The following TDRD3 variants were observed in gnomAD, a reference collection of about 807,000 sequenced individuals.
TDRD3 encodes the protein tudor domain-containing protein 3.
In TDRD3, 45 loss-of-function variants were observed where a neutral mutation model predicts 86.7. The observed-to-expected ratio is 0.52, with a 90% CI of 0.41 to 0.67. TDRD3 has a LOEUF of 0.67. Among genes scored for constraint, TDRD3 ranks in the 30% least tolerant of loss-of-function variants. The probability of loss-of-function intolerance (pLI) is 0.00; values close to 1 mark genes in which losing one functional copy is unlikely to be tolerated. For missense variants in TDRD3, 814 were observed against 889.0 expected (o/e 0.92, Z 1.07); for synonymous variants, 298 against 301.7 (o/e 0.99, Z 0.13).
At chr13:60,467,036 T>C (rs1257908656) in intron 4 of TDRD3, among the ~76,000 whole-genome samples, 2 of 152,110 alleles carry the variant, frequency 1.3e-5, no homozygotes, top group Non-Finnish European at 2.9e-5. Context: ...ATTTGTTACA[T>C]AGGTGATATG....
At chr13:60,427,193 T>TA (rs1487310223) in intron 1 of TDRD3, among the ~76,000 whole-genome samples, 5 of 152,228 alleles carry the variant, frequency 3.3e-5, no homozygotes, top group Non-Finnish European at 5.9e-5. Context: ...ATATCCACTT[T>TA]AAATCTTTAT....
In TDRD3 at chr13:60,528,931, A is replaced by G; in HGVS notation, c.1706A>G (p.Asn569Ser). 6.2e-7 allele frequency: 1 copy of G among 1,613,262 alleles called. No homozygotes were observed. The highest frequency in any genetic ancestry group is 1.3e-5 in the African/African-American group (1 of 75,000). ...FSGIKIEKHF[N>S]VNTDYQNPVR... ...GGTATAAAAATTGAAAAACATTTTA[A>G]TGTAAATACTGATTATCAGAATCCA... is the stretch of plus-strand genomic sequence containing the variant. Residue 569 changes from asparagine to serine, a missense_variant, in exon 11 of 14, where the codon AAT (asparagine) becomes AGT (serine). Transcript: ENST00000377881.
At chr13:60,559,255 A>G (rs183285618) in intron 12 of TDRD3, among the ~76,000 whole-genome samples, 16 of 152,250 alleles carry the variant, frequency 1.1e-4, no homozygotes, top group Admixed American at 7.8e-4. Context: ...TGTAGAAAAG[A>G]TTAGTAACGT....
intron 1 of TDRD3, among the ~76,000 whole-genome samples, chr13:60,397,941 G>C (rs1052245441): frequency 1.3e-5 from 2 of 152,198 alleles, no homozygotes; most frequent in African/African-American, 4.8e-5. Flanking sequence ...TCAAAGTACA[G>C]TGTGGACCAG....
chr13:60,551,959 C>A (rs1273945456), intron 12 of TDRD3, among the ~76,000 whole-genome samples: 2 of 152,154 alleles, frequency 1.3e-5, no homozygotes, highest in Non-Finnish European at 2.9e-5. Flanking sequence ...CGCCAGGTCT[C>A]TCCCTCGACA....
intron 10 of TDRD3, among the ~76,000 whole-genome samples, chr13:60,524,825 G>A (rs1002520827): frequency 3.3e-5 from 5 of 151,656 alleles, no homozygotes; most frequent in East Asian, 2.0e-4. Flanking sequence ...TCGGCCAGGC[G>A]CAGTGGCTCA....
intron 11 of TDRD3, among the ~76,000 whole-genome samples, chr13:60,529,436 C>T (rs941715455): frequency 5.9e-5 from 9 of 152,028 alleles, no homozygotes; most frequent in African/African-American, 1.4e-4. Context: ...TGGTTAAGTT[C>T]GGTTTGGTTT....
At chr13:60,465,757 A>G (rs1353927760) in intron 4 of TDRD3, among the ~76,000 whole-genome samples, 1 of 152,156 alleles carries the variant, frequency 6.6e-6, no homozygotes, top group African/African-American at 2.4e-5. Context: ...TCTTGCATAT[A>G]TTAGCATGTG....
In TDRD3 at chr13:60,483,771, G is replaced by T. The variant is rs765384369; in HGVS notation, c.496-4G>T. ...GCTCTTTTGTGACTGGATTTTTTCC[G>T]CAGAGCTTATCAAAACACAATAGAA... On this transcript the variant is annotated splice_polypyrimidine_tract_variant and splice_region_variant and intron_variant, in intron 5 of 13. Coordinates refer to ENST00000377881, the MANE Select transcript of TDRD3 (RefSeq NM_001146070.2). The T allele has an allele frequency of 8.1e-6, 13 of 1,599,820 alleles. No homozygotes were observed. The highest frequency in any genetic ancestry group is 1.1e-5 in the South Asian group (1 of 88,740).
At position 60,528,723 on chromosome 13, in the gene TDRD3, G is replaced by C. The variant is rs1957509386; in HGVS notation, c.1498G>C (p.Asp500His). Residue 500 changes from aspartate (D) to histidine (H), a missense_variant, in exon 11 of 14, where the codon GAT (aspartate) becomes CAT (histidine). Coordinates refer to ENST00000377881, the MANE Select transcript of TDRD3 (RefSeq NM_001146070.2). ...TAGTGATGGTGCTTTTAAAAAAAGA[G>C]ATAACTCTATGCAAAGCAGATCAGG... ...QHSDGAFKKR[D>H]NSMQSRSGKG... The C allele has an allele frequency of 6.2e-7, 1 of 1,611,914 alleles. No individual in the cohort carries two copies. The highest frequency in any genetic ancestry group is 8.5e-7 in the Non-Finnish European group (1 of 1,179,480).
At chr13:60,562,205 C>T (rs1958350148) in intron 12 of TDRD3, among the ~76,000 whole-genome samples, 1 of 151,988 alleles carries the variant, frequency 6.6e-6, no homozygotes, top group Middle Eastern at 3.4e-3. Context: ...TCCAGCTACT[C>T]GGGAGGCTGA....
rs544101987 is a variant in TDRD3 at position 60,530,661 on chromosome 13, G to A, written c.1992+1444G>A. Among the ~76,000 whole-genome samples, 426 of 150,878 alleles carry A rather than the reference G, an allele frequency of 2.8e-3. 2 individuals carry two copies. Among genetic ancestry groups the A allele is most frequent in the African/African-American group, 0.01 (412 of 40,976 alleles). Reference sequence around the variant, plus strand: ...GTAGAGACAGGGTTTCACCATGTTGGCCAGGCTGGTTTTGAACTCCTGACC... The same window carrying A: ...GTAGAGACAGGGTTTCACCATGTTGACCAGGCTGGTTTTGAACTCCTGACC... On this transcript the variant is annotated intron_variant, in intron 11 of 13. Transcript: ENST00000377881.
At chr13:60,554,323 C>G (rs1179549823) in intron 12 of TDRD3, among the ~76,000 whole-genome samples, 1 of 152,192 alleles carries the variant, frequency 6.6e-6, no homozygotes, top group Non-Finnish European at 1.5e-5. Flanking sequence ...GCATTTTGTA[C>G]TCTGAAGAAT....
At chr13:60,440,616 G>T (rs1038924482) in intron 2 of TDRD3, among the ~76,000 whole-genome samples, 2 of 152,048 alleles carry the variant, frequency 1.3e-5, no homozygotes, top group Non-Finnish European at 2.9e-5. Flanking sequence ...AGGAGGTGGA[G>T]GTTGCAGTGA....
At chr13:60,512,770 G>A (rs1957086998) in intron 10 of TDRD3, among the ~76,000 whole-genome samples, 1 of 152,228 alleles carries the variant, frequency 6.6e-6, no homozygotes, top group Admixed American at 6.5e-5. Flanking sequence ...GTCTTGGGCA[G>A]CTCTGCCTCT....
chr13:60,539,218 C>A (rs1957761097), intron 12 of TDRD3, among the ~76,000 whole-genome samples: 1 of 152,024 alleles, frequency 6.6e-6, no homozygotes, highest in Non-Finnish European at 1.5e-5. Flanking sequence ...TCTAGTACAT[C>A]TCTTAGTTGT....
At chr13:60,545,625 A>G (rs1211130870) in intron 12 of TDRD3, among the ~76,000 whole-genome samples, 1 of 152,084 alleles carries the variant, frequency 6.6e-6, no homozygotes, top group Non-Finnish European at 1.5e-5. Context: ...TAAGGCTGAA[A>G]ATAATGTGGA....
chr13:60,412,401 T>C (rs1171263256), intron 1 of TDRD3, among the ~76,000 whole-genome samples: 4 of 152,210 alleles, frequency 2.6e-5, no homozygotes, highest in Non-Finnish European at 4.4e-5. Context: ...ATATCACTTA[T>C]TTTTAGTGAT....
intron 1 of TDRD3, among the ~76,000 whole-genome samples, chr13:60,427,301 G>A (rs1004529219): frequency 1.3e-5 from 2 of 152,058 alleles, no homozygotes; most frequent in African/African-American, 4.8e-5. Flanking sequence ...TGTATGTTGG[G>A]TAATTTTGGA....
Sources: gnomAD v4.1 joint callset for allele counts (sites outside exome capture counted in the v4.1 genomes callset) on GRCh38, gnomAD v4.1.1 for gene constraint, MANE v1.5 for transcripts, NCBI Gene and HGNC (gene_info 2026-07-23, HGNC 2026-07-21) for gene names.